Variants in PI4K2B observed in about 807,000 individuals in gnomAD.
The protein encoded by PI4K2B is phosphatidylinositol 4-kinase type 2 beta, also known as phosphatidylinositol 4-kinase type 2-beta.
Under a neutral mutation model 56.6 loss-of-function variants are expected in PI4K2B, and 46 were observed. The observed-to-expected ratio is 0.81, with a 90% confidence interval of 0.64 to 1.04. The LOEUF is 1.04. Ranked by LOEUF, PI4K2B falls within the 50% of genes least tolerant of loss-of-function variation. The pLI is 0.00. For missense variants in PI4K2B, 556 were observed against 607.7 expected (o/e 0.91, Z 0.89); for synonymous variants, 211 against 223.8 (o/e 0.94, Z 0.51).
rs1716789102 is a variant in PI4K2B at position 25,269,490 on chromosome 4, T to A, written c.1272+287T>A. 1.3e-5 allele frequency among the ~76,000 whole-genome samples: 2 copies of A among 151,622 alleles called. 1 individual carries two copies. The highest frequency in any genetic ancestry group is 4.2e-4 in the South Asian group (2 of 4,802). On this transcript the variant is annotated intron_variant, in intron 9 of 9. Transcript: ENST00000264864. ...CATCTCTACTAAAAATACAAAAAAATTAGCTGGGTGTGGTGGCGGGCACCT... is the reference window on the plus strand; with the variant it reads ...CATCTCTACTAAAAATACAAAAAAAATAGCTGGGTGTGGTGGCGGGCACCT...
chr4:25,274,350 G>A (rs1717022652), intron 9 of PI4K2B, among the ~76,000 whole-genome samples: 1 of 152,134 alleles, frequency 6.6e-6, no homozygotes, highest in Admixed American at 6.5e-5. Context: ...GGCATGGGTG[G>A]AGAAGTCTAG....
At chr4:25,263,216 G>T (rs1055229088) in intron 6 of PI4K2B, among the ~76,000 whole-genome samples, 93 of 152,204 alleles carry the variant, frequency 6.1e-4, no homozygotes, top group African/African-American at 2.1e-3. Flanking sequence ...TTTGGGTGGG[G>T]ACACAGCCAA....
rs775837172 is a variant in PI4K2B, at chr4:25,234,153, A to G, written c.-11A>G. 8 of 1,351,162 alleles carry G rather than the reference A, an allele frequency of 5.9e-6. No individual in the cohort carries two copies. The East Asian group carries it at 2.4e-4, about 41-fold the overall frequency. The allele number at this position is 1,351,162 out of a possible 1,614,324, so 83.7% of individuals were successfully genotyped here. ...GATCTGGTCTCAGCGCGGAGGGAGCAGAGGGAGTCCATGGAGGATCCCTCC... is the reference window on the plus strand; with the variant it reads ...GATCTGGTCTCAGCGCGGAGGGAGCGGAGGGAGTCCATGGAGGATCCCTCC... On this transcript the variant is annotated 5_prime_UTR_variant, in exon 1 of 10. Transcript: ENST00000264864.
chr4:25,268,086 T>C (rs1413939963), intron 7 of PI4K2B, among the ~76,000 whole-genome samples: 2 of 152,130 alleles, frequency 1.3e-5, no homozygotes, highest in Non-Finnish European at 2.9e-5. Flanking sequence ...ACCCATTATC[T>C]TAAAAATATA....
chr4:25,251,725 A>G (rs1716058172), intron 1 of PI4K2B, among the ~76,000 whole-genome samples: 1 of 152,164 alleles, frequency 6.6e-6, no homozygotes, highest in Non-Finnish European at 1.5e-5. Context: ...AGTAGGATGG[A>G]TGATAGAATC....
At chr4:25,269,720 T>G (rs1176803448) in intron 9 of PI4K2B, among the ~76,000 whole-genome samples, 4 of 152,010 alleles carry the variant, frequency 2.6e-5, no homozygotes, top group Admixed American at 2.6e-4. Context: ...TTTTTTTGTT[T>G]TTGTTTTTTT....
At chr4:25,244,025 G>T (rs1443203699) in intron 1 of PI4K2B, among the ~76,000 whole-genome samples, 5 of 152,164 alleles carry the variant, frequency 3.3e-5, no homozygotes, top group African/African-American at 1.2e-4. Context: ...GCCAGGATTT[G>T]ATCTAAGAGT....
At chr4:25,245,430 C>T (rs1715719549) in intron 1 of PI4K2B, among the ~76,000 whole-genome samples, 1 of 152,130 alleles carries the variant, frequency 6.6e-6, no homozygotes, top group Non-Finnish European at 1.5e-5. Flanking sequence ...GAGTTCCGCT[C>T]ATGGCCGCAG....
At chr4:25,276,812 TGTGTGC>T (rs1717114153) in intron 9 of PI4K2B, 196 bp from the exon 10 acceptor site, 1 of 798,610 alleles carries the variant, frequency 1.3e-6, no homozygotes, top group Middle Eastern at 6.3e-4. Context: ...TGTGTGTGTG[TGTGTGC>T]GCGTGTGTGT....
intron 2 of PI4K2B, among the ~76,000 whole-genome samples, chr4:25,254,754 C>G (rs1052066997): frequency 2.2e-4 from 34 of 152,238 alleles, no homozygotes; most frequent in African/African-American, 7.2e-4. Context: ...CAATATAAAA[C>G]AGGTGAAATT....
chr4:25,249,640 C>T (rs1715959212), intron 1 of PI4K2B, among the ~76,000 whole-genome samples: 1 of 150,450 alleles, frequency 6.6e-6, no homozygotes, highest in South Asian at 2.1e-4. Context: ...CGGTCAGAGA[C>T]ACTCCTCACC....
chr4:25,234,509 C>T lies in PI4K2B; in HGVS notation c.268+78C>T, dbSNP rs1715158380. 3.8e-6 allele frequency: 4 copies of T among 1,051,150 alleles called. No homozygotes were observed. In the African/African-American group the frequency reaches 4.9e-5, roughly 13 times the overall value. The allele number at this position is 1,051,150 out of a possible 1,614,324, so 65.1% of individuals were successfully genotyped here. A position where few individuals can be genotyped will look rare whatever the true frequency, so the allele number is the denominator to read the frequency against. ...TCGCCCGGCTCGGTCCTGTCTCCCG[C>T]GCGCGCTGGCCGAGGTGGACGGGCT... On this transcript the variant is annotated intron_variant, in intron 1 of 9. Transcript: ENST00000264864.
At position 25,259,069 on chromosome 4, in the gene PI4K2B, C is replaced by A. The variant is rs779189256; in HGVS notation, c.789C>A (p.Tyr263Ter). 3 of 1,588,074 alleles carry A rather than the reference C, an allele frequency of 1.9e-6. No homozygotes were observed. Among genetic ancestry groups the A allele is most frequent in the Non-Finnish European group, 2.6e-6 (3 of 1,158,190 alleles). ...CCTTTCAGTTATTTGTTGAAGGTTA[C>A]AAGGAGGCTGAATATTGGCTTAGGA... ...IGSFQLFVEG[Y>*]KEAEYWLRKF... The change falls in exon 5 of 10, where the codon TAC (tyrosine) becomes TAA (stop). Residue 263 changes from tyrosine (Y) to a stop codon, truncating the protein, a stop_gained. Coordinates refer to ENST00000264864, the MANE Select transcript of PI4K2B (RefSeq NM_018323.4). LOFTEE classifies it high-confidence loss of function.
intron 3 of PI4K2B, among the ~76,000 whole-genome samples, 184 bp from the exon 4 acceptor site, chr4:25,256,359 T>G (rs200546001): frequency 1.5e-3 from 221 of 152,346 alleles, no homozygotes; most frequent in African/African-American, 5.1e-3. Flanking sequence ...CAGAAAGAAA[T>G]ATGTGCCCTT....
At chr4:25,256,244 C>T (rs1716260444) in intron 3 of PI4K2B, among the ~76,000 whole-genome samples, 1 of 152,232 alleles carries the variant, frequency 6.6e-6, no homozygotes, top group Non-Finnish European at 1.5e-5. Flanking sequence ...TAAATTTTTA[C>T]TTGAAGCCTT....
At chr4:25,242,547 C>G (rs910725599) in intron 1 of PI4K2B, among the ~76,000 whole-genome samples, 3 of 152,180 alleles carry the variant, frequency 2.0e-5, no homozygotes, top group African/African-American at 7.2e-5. Context: ...GGTTGGGTAC[C>G]ACTGGATATA....
At chr4:25,256,770 T>C in intron 4 of PI4K2B, 96 bp downstream of exon 4, 1 of 1,130,984 alleles carries the variant, frequency 8.8e-7, no homozygotes, top group Non-Finnish European at 1.3e-6. Flanking sequence ...GTGGATATTA[T>C]AGCACAGATT....
chr4:25,267,805 T>C, intron 7 of PI4K2B: 1 of 975,144 alleles, frequency 1.0e-6, no homozygotes, highest in Non-Finnish European at 1.2e-6. Flanking sequence ...CTTTTGTCTC[T>C]TAAAATGACT....
At chr4:25,236,389 A>G (rs550981288) in intron 1 of PI4K2B, among the ~76,000 whole-genome samples, 2 of 152,070 alleles carry the variant, frequency 1.3e-5, no homozygotes, top group South Asian at 2.1e-4. Flanking sequence ...TGCCTCTACT[A>G]AAAATAGAAA....
Sources: allele counts gnomAD v4.1 joint callset (sites outside exome capture counted in the v4.1 genomes callset), GRCh38; gene constraint gnomAD v4.1.1; transcripts MANE v1.5; gene names NCBI Gene and HGNC (gene_info 2026-07-23, HGNC 2026-07-21).